The following LRRC4C variants were observed in gnomAD, a reference collection of about 807,000 sequenced individuals.
LRRC4C encodes the protein leucine-rich repeat-containing protein 4C.
Under a neutral mutation model 33.6 loss-of-function variants are expected in LRRC4C, and 5 were observed. The ratio of observed to expected loss-of-function variants is 0.15; its 90% CI spans 0.08 to 0.31. LRRC4C has a LOEUF of 0.31. Among genes scored for constraint, LRRC4C ranks in the 10% least tolerant of loss-of-function variants. LRRC4C has a pLI of 1.00. For synonymous variants in LRRC4C, 329 were observed against 302.0 expected (o/e 1.09, Z -0.93); for missense variants, 560 against 796.7 (o/e 0.70, Z 3.58).
chr11:40,816,162 C>A (rs894351598), intron 2 of LRRC4C, among the ~76,000 whole-genome samples: 1 of 152,082 alleles, frequency 6.6e-6, no homozygotes, highest in African/African-American at 2.4e-5. Context: ...AAGTTTTACA[C>A]GTATTGACTA....
chr11:40,215,671 T>A (rs1003197251), intron 5 of LRRC4C, among the ~76,000 whole-genome samples: 2 of 152,168 alleles, frequency 1.3e-5, no homozygotes, highest in African/African-American at 2.4e-5. Context: ...AGGAAACCCC[T>A]GCTGGGTCCA....
At chr11:40,825,504 C>G (rs1952122428) in intron 2 of LRRC4C, among the ~76,000 whole-genome samples, 1 of 151,834 alleles carries the variant, frequency 6.6e-6, no homozygotes. Flanking sequence ...ACTTGGCATT[C>G]CCAGCAAGGA....
At chr11:40,689,687 TAAG>T (rs2136391431) in intron 2 of LRRC4C, among the ~76,000 whole-genome samples, 1 of 152,220 alleles carries the variant, frequency 6.6e-6, no homozygotes, top group East Asian at 1.9e-4. Flanking sequence ...AAAAAACAGC[TAAG>T]GTTAGTTTGA....
In LRRC4C at chr11:40,947,703, C is replaced by T. The variant is rs1020995930; in HGVS notation, c.-495-13980G>A. Among the ~76,000 whole-genome samples, 111 of 152,102 alleles carry T rather than the reference C, an allele frequency of 7.3e-4. 1 individual carries two copies. The highest frequency in any genetic ancestry group is 2.6e-3 in the African/African-American group (107 of 41,506). On this transcript the variant is annotated intron_variant, in intron 1 of 6. Transcript: ENST00000528697. ...CTTCTCTCATTCTCTCTCACTCTCC[C>T]TCAATCCCCACCTCCCCTCACTCTT...
chr11:40,606,896 A>G (rs1206890541), intron 3 of LRRC4C, among the ~76,000 whole-genome samples: 1 of 152,204 alleles, frequency 6.6e-6, no homozygotes, highest in African/African-American at 2.4e-5. Context: ...ATAAATGAAC[A>G]CAGAGACACG....
At chr11:41,444,758 GAAAAT>G (rs1337751027) in intron 1 of LRRC4C, among the ~76,000 whole-genome samples, 1 of 151,772 alleles carries the variant, frequency 6.6e-6, no homozygotes, top group African/African-American at 2.4e-5. Flanking sequence ...AAAGTGGAGA[GAAAAT>G]AAGATTGAGT....
chr11:40,195,491 G>C (rs1174746830), intron 5 of LRRC4C, among the ~76,000 whole-genome samples: 1 of 152,092 alleles, frequency 6.6e-6, no homozygotes, highest in Admixed American at 6.5e-5. Flanking sequence ...TTCTTGTCAG[G>C]GGCAAGGATG....
intron 5 of LRRC4C, among the ~76,000 whole-genome samples, chr11:40,175,454 T>A (rs780349327): frequency 3.3e-5 from 5 of 152,126 alleles, no homozygotes; most frequent in Admixed American, 6.5e-5. Flanking sequence ...ACTGCCCATA[T>A]CCAGAGTGAC....
In LRRC4C at chr11:40,984,431, GAAAA is replaced by G. The variant is rs1488299008; in HGVS notation, c.-495-50712_-495-50709del. Among the ~76,000 whole-genome samples the G allele has an allele frequency of 3.5e-5, 5 of 140,996 alleles. No individual in the cohort carries two copies. In the South Asian group the frequency reaches 9.0e-4, roughly 25 times the overall value. 92.5% of individuals were successfully genotyped at this position (140,996 alleles called of 152,430 possible). ...AGAAAGAAAGAGAAAGAAAGAAAGAGAAAAAGAAAGAAAGAAAGACAGACAGACA... is the reference window on the plus strand; with the variant it reads ...AGAAAGAAAGAGAAAGAAAGAAAGAGAGAAAGAAAGAAAGACAGACAGACA... On this transcript the variant is annotated intron_variant, in intron 1 of 6. Coordinates refer to ENST00000528697, the MANE Select transcript of LRRC4C (RefSeq NM_001258419.2).
At chr11:40,234,958 T>A (rs1392008778) in intron 5 of LRRC4C, among the ~76,000 whole-genome samples, 4 of 152,232 alleles carry the variant, frequency 2.6e-5, no homozygotes, top group Non-Finnish European at 5.9e-5. Context: ...ACCACCGTAC[T>A]AAGTAGCAGA....
At chr11:41,328,532 G>T (rs553608851) in intron 1 of LRRC4C, among the ~76,000 whole-genome samples, 1 of 152,176 alleles carries the variant, frequency 6.6e-6, no homozygotes, top group South Asian at 2.1e-4. Context: ...CTGTCAACAC[G>T]CTCCTTACTG....
chr11:41,194,818 T>C (rs2136229103), intron 1 of LRRC4C, among the ~76,000 whole-genome samples: 1 of 152,270 alleles, frequency 6.6e-6, no homozygotes, highest in East Asian at 1.9e-4. Context: ...GTGTGTTGTT[T>C]TAATTCACCA....
chr11:40,679,666 G>A (rs1405118911), intron 2 of LRRC4C, among the ~76,000 whole-genome samples: 1 of 152,208 alleles, frequency 6.6e-6, no homozygotes. Flanking sequence ...CTTCCTCATA[G>A]TGTTGAGCCT....
chr11:41,159,724 AC>A (rs1944384241), intron 1 of LRRC4C, among the ~76,000 whole-genome samples: 1 of 152,092 alleles, frequency 6.6e-6, no homozygotes. Context: ...GATGTATTTG[AC>A]CCTGGAAAAG....
At chr11:40,631,639 G>T (rs1342516307) in intron 3 of LRRC4C, among the ~76,000 whole-genome samples, 7 of 152,004 alleles carry the variant, frequency 4.6e-5, no homozygotes, top group African/African-American at 1.7e-4. Context: ...ATGATAGGTT[G>T]CCTGAGTATT....
chr11:40,115,643 G>A lies in LRRC4C; in HGVS notation c.650C>T (p.Pro217Leu), dbSNP rs375080235. ...CNLREIPNLT[P>L]LIKLDELDLS... ...ATCCAGCTCATCTAGTTTTATGAGCGGTGTGAGGTTAGGGATTTCCCGAAG... is the reference window on the plus strand; with the variant it reads ...ATCCAGCTCATCTAGTTTTATGAGCAGTGTGAGGTTAGGGATTTCCCGAAG... Residue 217 changes from proline (P) to leucine (L), a missense_variant, in exon 7 of 7, where the codon CCG becomes CTG. Transcript: ENST00000528697. This position sits in a 1 kb window ranked among gnomAD's most constrained non-coding sequence, Gnocchi z 6.7. 2.2e-5 allele frequency: 36 copies of A among 1,614,010 alleles called. No individual in the cohort carries two copies. The highest frequency in any genetic ancestry group is 1.1e-4 in the African/African-American group (8 of 74,904).
chr11:41,210,986 T>C (rs917116144), intron 1 of LRRC4C, among the ~76,000 whole-genome samples: 2 of 152,080 alleles, frequency 1.3e-5, no homozygotes, highest in Non-Finnish European at 2.9e-5. Flanking sequence ...GGCCCTCCTA[T>C]AAGAATCTAA....
rs532084012 is a variant in LRRC4C, at chr11:41,150,938, A to C, written c.-495-217215T>G. On this transcript the variant is annotated intron_variant, in intron 1 of 6. Coordinates refer to ENST00000528697, the MANE Select transcript of LRRC4C (RefSeq NM_001258419.2). ...GAGAAAAAATTGGAAATGTCTCCTAATTCAACCACTGAGGGATGAATAAAG... is the reference window on the plus strand; with the variant it reads ...GAGAAAAAATTGGAAATGTCTCCTACTTCAACCACTGAGGGATGAATAAAG... Among the ~76,000 whole-genome samples the C allele has an allele frequency of 7.9e-5, 12 of 152,254 alleles. No individual in the cohort carries two copies. In the South Asian group the frequency reaches 2.5e-3, roughly 32 times the overall value.
intron 1 of LRRC4C, among the ~76,000 whole-genome samples, chr11:41,166,451 G>A (rs2136066967): frequency 6.6e-6 from 1 of 152,298 alleles, no homozygotes; most frequent in South Asian, 2.1e-4. Context: ...TATGCTTTAA[G>A]ATCCAGCCCA....
Sources: gnomAD v4.1 joint callset for allele counts (sites outside exome capture counted in the v4.1 genomes callset) on GRCh38, gnomAD v4.1.1 for gene constraint, Gnocchi (gnomAD v3.1) non-coding constraint, MANE v1.5 for transcripts, NCBI Gene and HGNC (gene_info 2026-07-23, HGNC 2026-07-21) for gene names.